The following CPN1 variants were observed in gnomAD, a reference collection of about 807,000 sequenced individuals.
CPN1 encodes carboxypeptidase N subunit 1.
A neutral mutation model predicts 46.4 loss-of-function variants in CPN1; 37 were observed. The observed-to-expected ratio is 0.80, with a 90% CI of 0.61 to 1.05. The LOEUF (loss-of-function observed/expected upper bound fraction) is 1.05, where lower values mean the gene tolerates loss of function less well. CPN1 is among the 50% of genes least tolerant of loss of function. CPN1 has a pLI of 0.00. For missense variants in CPN1, 563 were observed against 602.6 expected (o/e 0.93, Z 0.69); for synonymous variants, 224 against 235.4 (o/e 0.95, Z 0.44).
At chr10:100,064,783 A>G (rs1302797126) in intron 4 of CPN1, among the ~76,000 whole-genome samples, 1 of 151,806 alleles carries the variant, frequency 6.6e-6, no homozygotes, top group East Asian at 1.9e-4. Flanking sequence ...CATGTAGTCT[A>G]TTTTTCTTTT....
At chr10:100,049,951 GT>G (rs1465046455) in intron 7 of CPN1, among the ~76,000 whole-genome samples, 1 of 152,198 alleles carries the variant, frequency 6.6e-6, no homozygotes, top group Non-Finnish European at 1.5e-5. Context: ...TGAGACCACA[GT>G]TTTGATATTT....
chr10:100,065,404 C>T (rs1438570982), intron 3 of CPN1, 34 bp from the exon 4 acceptor site: 1 of 1,612,310 alleles, frequency 6.2e-7, no homozygotes, highest in African/African-American at 1.3e-5. Flanking sequence ...GGTGAAGGGC[C>T]AACTGGGGCT....
At chr10:100,076,849 C>T (rs1380744584) in intron 1 of CPN1, among the ~76,000 whole-genome samples, 2 of 152,104 alleles carry the variant, frequency 1.3e-5, no homozygotes, top group African/African-American at 4.8e-5. Flanking sequence ...TAAAATCACT[C>T]CTTCAAATCT....
chr10:100,079,047 C>A (rs1030565395), intron 1 of CPN1, among the ~76,000 whole-genome samples: 1 of 152,264 alleles, frequency 6.6e-6, no homozygotes, highest in African/African-American at 2.4e-5. Context: ...CATGTGCCAT[C>A]ACACCCATCC....
At chr10:100,073,789 A>G (rs1310984009) in intron 2 of CPN1, among the ~76,000 whole-genome samples, 1 of 151,632 alleles carries the variant, frequency 6.6e-6, no homozygotes, top group Admixed American at 6.6e-5. Context: ...CTAATTTTGT[A>G]TTTTTAGTAG....
chr10:100,069,575 G>T, intron 3 of CPN1, 139 bp downstream of exon 3: 5 of 981,196 alleles, frequency 5.1e-6, no homozygotes, highest in Non-Finnish European at 8.2e-6. Context: ...ATATATTATT[G>T]CTCTAGATGG....
intron 2 of CPN1, among the ~76,000 whole-genome samples, chr10:100,070,778 A>G (rs2041479610): frequency 6.6e-6 from 1 of 152,196 alleles, no homozygotes; most frequent in African/African-American, 2.4e-5. Context: ...CCAATGTTTT[A>G]TGAACAGCTT....
At position 100,081,720 on chromosome 10, in the gene CPN1, C is replaced by T; in HGVS notation, c.-95G>A. On this transcript the variant is annotated 5_prime_UTR_variant, in exon 1 of 9. Transcript: ENST00000370418. ...CCGCCAAAATCCAAGGTCCACCTAG[C>T]TTCCCGCTTGTAAACACCAGTCCAA... The T allele has an allele frequency of 9.7e-7, 1 of 1,030,788 alleles. No homozygotes were observed. Among genetic ancestry groups the T allele is most frequent in the Non-Finnish European group, 1.5e-6 (1 of 677,976 alleles). 63.9% of individuals were successfully genotyped at this position (1,030,788 alleles called of 1,614,324 possible).
intron 1 of CPN1, 89 bp from the exon 2 acceptor site, chr10:100,076,196 G>A (rs1224025627): frequency 8.0e-6 from 10 of 1,255,170 alleles, no homozygotes; most frequent in Non-Finnish European, 8.1e-6. Flanking sequence ...TTTCAGTAAC[G>A]AATGAAAGAA....
intron 3 of CPN1, among the ~76,000 whole-genome samples, chr10:100,067,706 ACC>A (rs2041462111): frequency 6.6e-6 from 1 of 152,220 alleles, no homozygotes; most frequent in Non-Finnish European, 1.5e-5. Flanking sequence ...GAGCAGGCCC[ACC>A]AGCAGGGTGA....
chr10:100,048,227 T>C (rs2041326148), intron 8 of CPN1, among the ~76,000 whole-genome samples: 1 of 152,102 alleles, frequency 6.6e-6, no homozygotes, highest in South Asian at 2.1e-4. Flanking sequence ...AATTTAGAAC[T>C]AGACAGTGCT....
At chr10:100,064,549 T>A (rs1385444400) in intron 4 of CPN1, among the ~76,000 whole-genome samples, 2 of 151,524 alleles carry the variant, frequency 1.3e-5, no homozygotes, top group Non-Finnish European at 2.9e-5. Flanking sequence ...CCTGGTTAAT[T>A]TTTTTATTTT....
chr10:100,057,722 T>C (rs2041393158), intron 5 of CPN1, among the ~76,000 whole-genome samples: 1 of 152,138 alleles, frequency 6.6e-6, no homozygotes, highest in African/African-American at 2.4e-5. Flanking sequence ...TTTGGTGAGG[T>C]GGGCAGATGG....
At chr10:100,059,688 CA>C (rs1333674626) in intron 5 of CPN1, among the ~76,000 whole-genome samples, 2 of 151,460 alleles carry the variant, frequency 1.3e-5, no homozygotes, top group African/African-American at 4.9e-5. Flanking sequence ...GGTAGTTCCT[CA>C]AAAAAATTAA....
chr10:100,078,027 C>T (rs959257427), intron 1 of CPN1, among the ~76,000 whole-genome samples: 13 of 152,116 alleles, frequency 8.5e-5, no homozygotes, highest in Middle Eastern at 3.4e-3. Context: ...TCTTTTGGCT[C>T]TCCTTTTTCT....
intron 8 of CPN1, among the ~76,000 whole-genome samples, chr10:100,044,660 G>A (rs571519977): frequency 1.3e-5 from 2 of 151,068 alleles, no homozygotes; most frequent in South Asian, 4.2e-4. Flanking sequence ...ACAGGTATGA[G>A]TCACCGCACC....
intron 5 of CPN1, 43 bp downstream of exon 5, chr10:100,063,571 A>G: frequency 7.4e-7 from 1 of 1,348,124 alleles, no homozygotes; most frequent in Non-Finnish European, 1.1e-6. Flanking sequence ...AGAAATGAGC[A>G]CTATTCCACT....
chr10:100,051,969 C>T (rs562556976), intron 7 of CPN1, among the ~76,000 whole-genome samples: 9 of 148,206 alleles, frequency 6.1e-5, no homozygotes, highest in East Asian at 4.1e-4. Context: ...GACGTGATTT[C>T]GGCTCACTGC....
At chr10:100,045,303 G>T (rs1430893734) in intron 8 of CPN1, among the ~76,000 whole-genome samples, 1 of 152,142 alleles carries the variant, frequency 6.6e-6, no homozygotes, top group African/African-American at 2.4e-5. Context: ...TGCTGGTAAT[G>T]CAAAACTTAT....
Sources: allele counts gnomAD v4.1 joint callset (sites outside exome capture counted in the v4.1 genomes callset), GRCh38; gene constraint gnomAD v4.1.1; transcripts MANE v1.5; gene names NCBI Gene and HGNC (gene_info 2026-07-23, HGNC 2026-07-21).